ZBTB20: variants seen among roughly 807,000 people sequenced by gnomAD.
ZBTB20 encodes the protein zinc finger and BTB domain containing 20, also known as zinc finger and BTB domain-containing protein 20.
Under a neutral mutation model 56.9 loss-of-function variants are expected in ZBTB20, and 9 were observed. The observed-to-expected ratio is 0.16, with a 90% CI of 0.10 to 0.28. The LOEUF is 0.28. Among genes scored for constraint, ZBTB20 ranks in the 10% least tolerant of loss-of-function variants. ZBTB20 has a pLI of 1.00. For synonymous variants in ZBTB20, 417 were observed against 420.7 expected (o/e 0.99, Z 0.11); for missense variants, 655 against 1,003.0 (o/e 0.65, Z 4.69).
intron 3 of ZBTB20, among the ~76,000 whole-genome samples, chr3:114,925,329 C>A (rs1007363787): frequency 9.9e-5 from 15 of 151,922 alleles, no homozygotes; most frequent in African/African-American, 3.6e-4. Context: ...GATTTCCTAT[C>A]TTTTTGTTCA....
chr3:114,582,683 G>GTTTTAAATA (rs2054775641), intron 6 of ZBTB20, among the ~76,000 whole-genome samples: 1 of 152,090 alleles, frequency 6.6e-6, no homozygotes, highest in Non-Finnish European at 1.5e-5. Context: ...CCCAGCCTGT[G>GTTTTAAATA]TTTTAAATAT....
chr3:114,822,354 TG>T (rs1268666060), intron 4 of ZBTB20, among the ~76,000 whole-genome samples: 1 of 151,096 alleles, frequency 6.6e-6, no homozygotes, highest in Non-Finnish European at 1.5e-5. Context: ...AAAATTATTT[TG>T]TTTTTTGAAC....
intron 6 of ZBTB20, among the ~76,000 whole-genome samples, chr3:114,606,868 G>A (rs2057199399): frequency 6.6e-6 from 1 of 152,074 alleles, no homozygotes; most frequent in South Asian, 2.1e-4. Context: ...GGTTGAGGCG[G>A]GTGGATCACT....
intron 11 of ZBTB20, among the ~76,000 whole-genome samples, chr3:114,341,110 G>A (rs964712235): frequency 6.6e-6 from 1 of 152,160 alleles, no homozygotes; most frequent in Non-Finnish European, 1.5e-5. Context: ...GATATGTTTT[G>A]AAGCACACTG....
intron 6 of ZBTB20, among the ~76,000 whole-genome samples, chr3:114,541,903 G>T (rs1319308806): frequency 6.6e-6 from 1 of 152,096 alleles, no homozygotes; most frequent in Non-Finnish European, 1.5e-5. Context: ...TAGGAAGAAC[G>T]AGTGAAGTAA....
At chr3:114,499,551 A>G (rs2043691860) in intron 7 of ZBTB20, among the ~76,000 whole-genome samples, 2 of 152,244 alleles carry the variant, frequency 1.3e-5, no homozygotes, top group African/African-American at 2.4e-5. Context: ...ACATTAGGTG[A>G]CTATCACTAC....
At chr3:114,882,915 T>C (rs937423209) in intron 4 of ZBTB20, among the ~76,000 whole-genome samples, 1 of 152,160 alleles carries the variant, frequency 6.6e-6, no homozygotes, top group Non-Finnish European at 1.5e-5. Flanking sequence ...TTGTTCAGTG[T>C]AATGGTAAAT....
intron 1 of ZBTB20, among the ~76,000 whole-genome samples, chr3:115,089,034 T>C (rs1427992238): frequency 6.6e-6 from 1 of 151,868 alleles, no homozygotes; most frequent in Non-Finnish European, 1.5e-5. Context: ...TTTAAGAAAT[T>C]ACTGGACTGA....
At chr3:114,596,399 C>T (rs11923530) in intron 6 of ZBTB20, among the ~76,000 whole-genome samples, 4,498 of 152,124 alleles carry the variant, frequency 0.03, 230 homozygotes, top group African/African-American at 0.1. Flanking sequence ...TATTTTTATA[C>T]GTAATGGGAA....
intron 4 of ZBTB20, among the ~76,000 whole-genome samples, chr3:114,893,918 C>T (rs774517743): frequency 2.0e-5 from 3 of 152,070 alleles, no homozygotes; most frequent in Non-Finnish European, 2.9e-5. Context: ...ACTAAGCCTT[C>T]GAAGACAATT....
In ZBTB20 at chr3:114,844,330, AATATATATATATATATATATATATAT is replaced by A. The variant is rs71146341; in HGVS notation, c.-416-43182_-416-43157del. ...GTTGCATAAGAAAATTACTGGAGTA[AATATATATATATATATATATATATAT>A]ATATATATATATATATTAGCTGAGA... On this transcript the variant is annotated intron_variant, in intron 4 of 11. Coordinates refer to ENST00000675478, the MANE Select transcript of ZBTB20 (RefSeq NM_001348800.3). 6.7e-3 allele frequency among the ~76,000 whole-genome samples: 666 copies of A among 99,264 alleles called. 14 individuals carry two copies. Among genetic ancestry groups the A allele is most frequent in the South Asian group, 0.02 (66 of 3,286 alleles). 65.1% of individuals were successfully genotyped at this position (99,264 alleles called of 152,430 possible). A position where few individuals can be genotyped will look rare whatever the true frequency, so the allele number is the denominator to read the frequency against.
intron 1 of ZBTB20, among the ~76,000 whole-genome samples, chr3:115,138,353 TATC>T (rs1470624771): frequency 1.3e-5 from 2 of 152,092 alleles, no homozygotes; most frequent in African/African-American, 2.4e-5. Flanking sequence ...ACAAATTCTC[TATC>T]ATCATTTTTA....
At chr3:114,952,103 T>C (rs1290363945) in intron 3 of ZBTB20, among the ~76,000 whole-genome samples, 2 of 152,102 alleles carry the variant, frequency 1.3e-5, no homozygotes, top group African/African-American at 4.8e-5. Flanking sequence ...CATGTCATTA[T>C]ATTAACAGAA....
intron 5 of ZBTB20, among the ~76,000 whole-genome samples, chr3:114,786,400 T>C (rs1383244333): frequency 2.0e-5 from 3 of 152,162 alleles, no homozygotes; most frequent in Non-Finnish European, 4.4e-5. Context: ...GTGTTTGGTC[T>C]TCTGTTCTTG....
intron 6 of ZBTB20, among the ~76,000 whole-genome samples, chr3:114,603,900 T>C (rs1434681363): frequency 1.3e-5 from 2 of 151,970 alleles, no homozygotes; most frequent in Non-Finnish European, 2.9e-5. Flanking sequence ...CAAGCACTAT[T>C]TTATAGTTGA....
intron 6 of ZBTB20, among the ~76,000 whole-genome samples, chr3:114,540,067 C>T (rs1175410850): frequency 1.3e-5 from 2 of 152,054 alleles, no homozygotes; most frequent in Non-Finnish European, 2.9e-5. Flanking sequence ...TCCTCCCATA[C>T]TCCATGCTCC....
At chr3:114,409,253 A>C (rs1198631434) in intron 7 of ZBTB20, among the ~76,000 whole-genome samples, 1 of 151,720 alleles carries the variant, frequency 6.6e-6, no homozygotes, top group Admixed American at 6.6e-5. Context: ...ATGAATAAAG[A>C]AGCACAAAGA....
intron 7 of ZBTB20, among the ~76,000 whole-genome samples, chr3:114,448,117 C>T (rs1487070531): frequency 3.3e-5 from 5 of 152,072 alleles, no homozygotes; most frequent in Admixed American, 1.3e-4. Context: ...ACTCCTCCTG[C>T]CTTGCACCAT....
chr3:114,637,015 C>A (rs1474047528), intron 6 of ZBTB20, among the ~76,000 whole-genome samples: 1 of 151,946 alleles, frequency 6.6e-6, no homozygotes, highest in East Asian at 1.9e-4. Flanking sequence ...CAAACGATAA[C>A]CAAAAGCTAG....
Sources: gnomAD v4.1 joint callset for allele counts (sites outside exome capture counted in the v4.1 genomes callset) on GRCh38, gnomAD v4.1.1 for gene constraint, MANE v1.5 for transcripts, NCBI Gene and HGNC (gene_info 2026-07-23, HGNC 2026-07-21) for gene names.